ARHGAP25: variants seen among roughly 807,000 people sequenced by gnomAD.
ARHGAP25 encodes the protein Rho GTPase activating protein 25.
Under a neutral mutation model 71.0 loss-of-function variants are expected in ARHGAP25, and 34 were observed. The observed-to-expected ratio is 0.48, with a 90% CI of 0.36 to 0.64. ARHGAP25 has a LOEUF of 0.64. ARHGAP25 is among the 30% of genes least tolerant of loss of function. The pLI is 0.00. For synonymous variants in ARHGAP25, 282 were observed against 296.5 expected, an observed-to-expected ratio of 0.95 and a Z score of 0.50; for missense variants, 706 against 805.1, an observed-to-expected ratio of 0.88 and a Z score of 1.49.
intron 4 of ARHGAP25, among the ~76,000 whole-genome samples, chr2:68,796,897 A>G (rs1230087486): frequency 6.6e-6 from 1 of 152,048 alleles, no homozygotes; most frequent in East Asian, 1.9e-4. Context: ...TGGTCATGAA[A>G]TGTTCTTCTA....
At chr2:68,790,643 C>T (rs1425101407) in intron 4 of ARHGAP25, among the ~76,000 whole-genome samples, 7 of 152,174 alleles carry the variant, frequency 4.6e-5, no homozygotes, top group Non-Finnish European at 7.4e-5. Context: ...AGCCTGCCCC[C>T]TTCCCACCAC....
chr2:68,747,820 C>A (rs1015034228), intron 1 of ARHGAP25, among the ~76,000 whole-genome samples: 1 of 152,166 alleles, frequency 6.6e-6, no homozygotes, highest in Non-Finnish European at 1.5e-5. Flanking sequence ...ATCTAATCCA[C>A]CAGAAAAGAC....
Position 68,734,844 on chromosome 2 carries a change from T to G in ARHGAP25, c.-356T>G. 3.2e-6 allele frequency: 1 copy of G among 311,878 alleles called. No homozygotes were observed. The allele number at this position is 311,878 out of a possible 1,614,324, so 19.3% of individuals were successfully genotyped here. A position where few individuals can be genotyped will look rare whatever the true frequency, so the allele number is the denominator to read the frequency against. On this transcript the variant is annotated 5_prime_UTR_variant, in exon 1 of 11. Coordinates refer to ENST00000409202, the MANE Select transcript of ARHGAP25 (RefSeq NM_001007231.3). The stretch of plus-strand genomic sequence containing the variant: ...ATCACGACCTCAACTCAGTAAGGCC[T>G]GAGATTCTTTCGAAAAGGAGCTTTG...
In ARHGAP25 at chr2:68,779,817, CA is replaced by C. The variant is rs1678190765; in HGVS notation, c.262-2415del. Among the ~76,000 whole-genome samples, 2 of 152,228 alleles carry C rather than the reference CA, an allele frequency of 1.3e-5. 1 individual carries two copies. The highest frequency in any genetic ancestry group is 4.1e-4 in the South Asian group (2 of 4,830). On this transcript the variant is annotated intron_variant, in intron 2 of 10. Coordinates refer to ENST00000409202, the MANE Select transcript of ARHGAP25 (RefSeq NM_001007231.3). The stretch of plus-strand genomic sequence containing the variant: ...ATTCTTCCTTCCCTATCAGTGTCCC[CA>C]CCCTCACCCCTACTGGTGTCTCTTC...
At chr2:68,720,393 A>C (rs1674733418) in intron 2 of ARHGAP25, among the ~76,000 whole-genome samples, 1 of 151,796 alleles carries the variant, frequency 6.6e-6, no homozygotes, top group Non-Finnish European at 1.5e-5. Flanking sequence ...TGGAAACTTT[A>C]CTCTGTACAG....
intron 3 of ARHGAP25, among the ~76,000 whole-genome samples, chr2:68,784,793 G>C (rs6546435): frequency 6.6e-6 from 1 of 152,082 alleles, no homozygotes; most frequent in Non-Finnish European, 1.5e-5. Context: ...CGTGGGAAGA[G>C]ACTAGCAGCA....
chr2:68,748,137 C>T (rs1675947295), intron 1 of ARHGAP25, among the ~76,000 whole-genome samples: 1 of 152,180 alleles, frequency 6.6e-6, no homozygotes, highest in Non-Finnish European at 1.5e-5. Context: ...TAGTCCTCTG[C>T]TCCTCCCACA....
At chr2:68,712,337 C>T (rs7581845) in intron 2 of ARHGAP25, among the ~76,000 whole-genome samples, 1 of 152,130 alleles carries the variant, frequency 6.6e-6, no homozygotes, top group Non-Finnish European at 1.5e-5. Flanking sequence ...CTGTTCATAT[C>T]CTTCACCCAC....
intron 4 of ARHGAP25, among the ~76,000 whole-genome samples, chr2:68,798,283 A>G (rs1368469635): frequency 2.0e-5 from 3 of 152,198 alleles, no homozygotes; most frequent in African/African-American, 4.8e-5. Context: ...GGGGTGTGCA[A>G]TCATTGTTAT....
intron 1 of ARHGAP25, among the ~76,000 whole-genome samples, chr2:68,768,873 C>T (rs1222343307): frequency 6.6e-6 from 1 of 152,218 alleles, no homozygotes; most frequent in Non-Finnish European, 1.5e-5. Context: ...TCCTTTCTTG[C>T]TTCCATGAAT....
At chr2:68,762,545 G>T (rs904233609) in intron 1 of ARHGAP25, among the ~76,000 whole-genome samples, 3 of 152,072 alleles carry the variant, frequency 2.0e-5, no homozygotes, top group African/African-American at 4.8e-5. Context: ...AATTAGGACC[G>T]CATCCTGGGG....
intron 2 of ARHGAP25, among the ~76,000 whole-genome samples, chr2:68,711,906 C>T (rs967043703): frequency 6.6e-6 from 1 of 152,134 alleles, no homozygotes; most frequent in Non-Finnish European, 1.5e-5. Flanking sequence ...ATTTCTTTAT[C>T]CAGTCTATCA....
intron 3 of ARHGAP25, among the ~76,000 whole-genome samples, chr2:68,786,629 G>A (rs1249463077): frequency 6.6e-6 from 1 of 152,102 alleles, no homozygotes; most frequent in Non-Finnish European, 1.5e-5. Flanking sequence ...TGCTTTAATG[G>A]TCAGAAAAGC....
chr2:68,795,638 G>C (rs1019569155), intron 4 of ARHGAP25, among the ~76,000 whole-genome samples: 1 of 152,030 alleles, frequency 6.6e-6, no homozygotes, highest in Non-Finnish European at 1.5e-5. Context: ...TACTTGATAT[G>C]ATTTCAGTTT....
chr2:68,823,065 A>C (rs1261903977), intron 10 of ARHGAP25, among the ~76,000 whole-genome samples, 193 bp downstream of exon 10: 1 of 152,248 alleles, frequency 6.6e-6, no homozygotes, highest in Non-Finnish European at 1.5e-5. Context: ...CTAAACTTTA[A>C]ACTAGATTTA....
chr2:68,774,238 A>G (rs889947965), intron 1 of ARHGAP25, among the ~76,000 whole-genome samples: 3 of 152,146 alleles, frequency 2.0e-5, no homozygotes, highest in Admixed American at 1.3e-4. Flanking sequence ...TGGCTGGGAA[A>G]TAAGATGGGG....
At chr2:68,757,752 A>AAAGTCAG (rs1330352696) in intron 1 of ARHGAP25, 1 of 152,136 alleles carries the variant, frequency 6.6e-6, no homozygotes, top group African/African-American at 2.4e-5. Flanking sequence ...TATGATTTTA[A>AAAGTCAG]AAGTCAGAAT....
chr2:68,821,649 G>C (rs1017921627), intron 9 of ARHGAP25, among the ~76,000 whole-genome samples: 19 of 152,180 alleles, frequency 1.2e-4, no homozygotes, highest in Admixed American at 2.0e-4. Context: ...AATTTTGGGG[G>C]TTTGCTCATC....
intron 1 of ARHGAP25, among the ~76,000 whole-genome samples, chr2:68,736,535 T>C (rs1463645135): frequency 6.6e-6 from 1 of 152,228 alleles, no homozygotes; most frequent in Non-Finnish European, 1.5e-5. Context: ...CACCTATGTT[T>C]GAACACAGGT....
Sources: gnomAD v4.1 joint callset for allele counts (sites outside exome capture counted in the v4.1 genomes callset) on GRCh38, gnomAD v4.1.1 for gene constraint, MANE v1.5 for transcripts, NCBI Gene and HGNC (gene_info 2026-07-23, HGNC 2026-07-21) for gene names.